Variants in KIAA1328 observed in about 807,000 individuals in gnomAD.
The protein encoded by KIAA1328 is KIAA1328.
A neutral mutation model predicts 68.1 loss-of-function variants in KIAA1328; 52 were observed. The ratio of observed to expected loss-of-function variants is 0.76; its 90% confidence interval spans 0.61 to 0.96. KIAA1328 has a LOEUF of 0.96. KIAA1328 is among the 40% of genes least tolerant of loss of function. The pLI is 0.00. For synonymous variants in KIAA1328, 232 were observed against 239.4 expected (o/e 0.97, Z 0.28); for missense variants, 641 against 677.6 (o/e 0.95, Z 0.60).
chr18:37,053,873 A>C (rs1276261917), intron 6 of KIAA1328, among the ~76,000 whole-genome samples: 2 of 152,094 alleles, frequency 1.3e-5, no homozygotes, highest in Non-Finnish European at 2.9e-5. Flanking sequence ...CAGAGCCAGA[A>C]CATGTCAAAT....
At chr18:36,977,077 AGGAG>A (rs1171394941) in intron 6 of KIAA1328, among the ~76,000 whole-genome samples, 1 of 152,198 alleles carries the variant, frequency 6.6e-6, no homozygotes, top group Non-Finnish European at 1.5e-5. Context: ...ATACTACTTA[AGGAG>A]GCAGCACGTT....
intron 7 of KIAA1328, among the ~76,000 whole-genome samples, chr18:37,095,985 C>A (rs913517238): frequency 6.6e-6 from 1 of 152,116 alleles, no homozygotes; most frequent in South Asian, 2.1e-4. Context: ...CAAGATTGAA[C>A]CAGTAATAAA....
At chr18:37,168,782 G>A (rs2059439189) in intron 8 of KIAA1328, among the ~76,000 whole-genome samples, 1 of 152,154 alleles carries the variant, frequency 6.6e-6, no homozygotes, top group Admixed American at 6.5e-5. Context: ...GTATCTGGGT[G>A]GTAGTGCTGC....
At chr18:37,049,071 G>C (rs2055589162) in intron 6 of KIAA1328, among the ~76,000 whole-genome samples, 3 of 152,190 alleles carry the variant, frequency 2.0e-5, no homozygotes, top group South Asian at 4.1e-4. Flanking sequence ...GTGCACTGCT[G>C]TCTCTTACTG....
chr18:37,208,029 G>C (rs554724411), intron 9 of KIAA1328, among the ~76,000 whole-genome samples: 2 of 152,006 alleles, frequency 1.3e-5, no homozygotes, highest in Admixed American at 6.5e-5. Flanking sequence ...GGCTGGTCTC[G>C]AACTGCCGAC....
chr18:37,100,064 A>G (rs1288382167), intron 7 of KIAA1328, among the ~76,000 whole-genome samples: 2 of 152,150 alleles, frequency 1.3e-5, no homozygotes, highest in African/African-American at 4.8e-5. Flanking sequence ...TGGAGCATTT[A>G]GCCCTCCAGT....
intron 5 of KIAA1328, among the ~76,000 whole-genome samples, chr18:36,947,574 AG>A (rs1488858293): frequency 1.3e-5 from 2 of 152,168 alleles, no homozygotes; most frequent in Admixed American, 6.5e-5. Flanking sequence ...GGTAAAGATA[AG>A]GGGTTGTGGA....
rs532158555 is a variant in KIAA1328 at position 37,049,078 on chromosome 18, A to C, written c.577-17812A>C. On this transcript the variant is annotated intron_variant, in intron 6 of 9. Coordinates refer to ENST00000280020, the MANE Select transcript of KIAA1328 (RefSeq NM_020776.3). ...TGTGCATTGTGCACTGCTGTCTCTT[A>C]CTGGGGATAACGCAATGAATAAAAC... is the stretch of plus-strand genomic sequence containing the variant. 2.6e-5 allele frequency among the ~76,000 whole-genome samples: 4 copies of C among 152,348 alleles called. No individual in the cohort carries two copies. The South Asian group carries it at 8.3e-4, about 32-fold the overall frequency.
intron 7 of KIAA1328, among the ~76,000 whole-genome samples, chr18:37,092,657 C>T (rs1568393373): frequency 6.6e-6 from 1 of 152,200 alleles, no homozygotes; most frequent in Non-Finnish European, 1.5e-5. Flanking sequence ...TAAGGACAGA[C>T]CATTCCTGCT....
chr18:37,056,854 G>C (rs1050559793), intron 6 of KIAA1328, among the ~76,000 whole-genome samples: 1 of 152,020 alleles, frequency 6.6e-6, no homozygotes, highest in Non-Finnish European at 1.5e-5. Context: ...TGTTGGCCAG[G>C]CTGGTCTCAA....
At chr18:36,836,992 G>T (rs955414950) in intron 3 of KIAA1328, among the ~76,000 whole-genome samples, 8 of 151,888 alleles carry the variant, frequency 5.3e-5, no homozygotes, top group African/African-American at 1.9e-4. Context: ...TATACATTTT[G>T]TTTATCCATT....
At chr18:37,115,542 A>T (rs951518228) in intron 7 of KIAA1328, among the ~76,000 whole-genome samples, 1 of 152,182 alleles carries the variant, frequency 6.6e-6, no homozygotes, top group Non-Finnish European at 1.5e-5. Flanking sequence ...TTTATGACAA[A>T]CCCACAGCCA....
intron 7 of KIAA1328, among the ~76,000 whole-genome samples, chr18:37,109,676 G>A (rs754766695): frequency 1.3e-5 from 2 of 152,142 alleles, no homozygotes; most frequent in Admixed American, 6.5e-5. Context: ...CAAGAAGCTG[G>A]TTAATAAATT....
chr18:37,159,906 T>C (rs2059240909), intron 7 of KIAA1328, among the ~76,000 whole-genome samples: 1 of 152,214 alleles, frequency 6.6e-6, no homozygotes, highest in South Asian at 2.1e-4. Flanking sequence ...TTTCTATAGA[T>C]AGCCTGGTTC....
intron 5 of KIAA1328, chr18:36,925,122 G>A (rs1267511919): frequency 6.6e-6 from 1 of 152,178 alleles, no homozygotes; most frequent in African/African-American, 2.4e-5. Flanking sequence ...GGTAATATGA[G>A]AGAAAGTATT....
intron 6 of KIAA1328, among the ~76,000 whole-genome samples, chr18:36,997,596 G>T (rs1337089096): frequency 6.6e-6 from 1 of 152,146 alleles, no homozygotes; most frequent in Non-Finnish European, 1.5e-5. Context: ...GACCAGAGTG[G>T]CTACAGCAAG....
At chr18:36,908,432 C>G (rs1163080378) in intron 5 of KIAA1328, among the ~76,000 whole-genome samples, 1 of 152,162 alleles carries the variant, frequency 6.6e-6, no homozygotes, top group East Asian at 1.9e-4. Context: ...CTCTAGCTCA[C>G]TCGCTCAAGC....
At chr18:36,966,380 G>A (rs990132053) in intron 6 of KIAA1328, among the ~76,000 whole-genome samples, 1 of 152,098 alleles carries the variant, frequency 6.6e-6, no homozygotes, top group Admixed American at 6.6e-5. Context: ...TTAGACACCT[G>A]AATAAAACAA....
chr18:37,172,764 A>G lies in KIAA1328; in HGVS notation c.1415-209A>G, dbSNP rs192884535. ...AATCTCTAGTTACTCTGTCACTGCA[A>G]AAATGTATTTTCTTAAAGCGCATTA... On this transcript the variant is annotated intron_variant, in intron 8 of 9. Transcript: ENST00000280020. Among the ~76,000 whole-genome samples the G allele has an allele frequency of 1.5e-3, 236 of 152,302 alleles. 1 individual carries two copies. The highest frequency in any genetic ancestry group is 2.9e-3 in the Non-Finnish European group (196 of 68,024).
Sources: gnomAD v4.1 joint callset for allele counts (sites outside exome capture counted in the v4.1 genomes callset) on GRCh38, gnomAD v4.1.1 for gene constraint, MANE v1.5 for transcripts, NCBI Gene and HGNC (gene_info 2026-07-23, HGNC 2026-07-21) for gene names.